The following ZNF483 variants were observed in gnomAD, a reference collection of about 807,000 sequenced individuals.
ZNF483 encodes zinc finger protein 483.
ZNF483 carries 9 observed loss-of-function variants against 28.6 expected under a neutral mutation model. The ratio of observed to expected loss-of-function variants is 0.32; its 90% confidence interval spans 0.19 to 0.55. The LOEUF (loss-of-function observed/expected upper bound fraction) is 0.55, where lower values mean the gene tolerates loss of function less well. ZNF483 is among the 20% of genes least tolerant of loss of function. The pLI is 0.93. For missense variants in ZNF483, 675 were observed against 871.7 expected (o/e 0.77, Z 2.84); for synonymous variants, 322 against 306.2 (o/e 1.05, Z -0.54).
chr9:111,531,026 T>C (rs1355182964), intron 3 of ZNF483, 63 bp downstream of exon 3: 1 of 744,564 alleles, frequency 1.3e-6, no homozygotes, highest in Non-Finnish European at 2.0e-6. Flanking sequence ...TACTGAGTGG[T>C]ATAAAGATAT....
chr9:111,554,618 G>A lies in ZNF483; in HGVS notation c.*11448G>A, dbSNP rs533174288. Among the ~76,000 whole-genome samples the A allele has an allele frequency of 6.6e-6, 1 of 152,338 alleles. No individual in the cohort carries two copies. Among genetic ancestry groups the A allele is most frequent in the South Asian group, 2.1e-4 (1 of 4,816 alleles). ...CTACTAAGTGACTAACAGACAGGTA[G>A]TGTAGATGACATGGATATGCTGGAC... On this transcript the variant is annotated 3_prime_UTR_variant, in exon 6 of 6. Transcript: ENST00000309235.
At chr9:111,529,058 C>G (rs553924417) in intron 2 of ZNF483, among the ~76,000 whole-genome samples, 1 of 151,770 alleles carries the variant, frequency 6.6e-6, no homozygotes, top group Non-Finnish European at 1.5e-5. Context: ...GCAGGAGAAT[C>G]GCTTGAACCG....
At chr9:111,576,205 GT>G (rs1358590332) in intron 5 of ZNF483, among the ~76,000 whole-genome samples, 1 of 151,846 alleles carries the variant, frequency 6.6e-6, no homozygotes, top group African/African-American at 2.4e-5. Context: ...CAGAAAGAAG[GT>G]TAAAGGCAAT....
intron 5 of ZNF483, among the ~76,000 whole-genome samples, chr9:111,571,673 TTTGTTTG>T (rs1221937459): frequency 6.6e-6 from 1 of 151,992 alleles, no homozygotes; most frequent in Non-Finnish European, 1.5e-5. Context: ...TGTTTGTTTG[TTTGTTTG>T]TTTTTTCTGT....
chr9:111,569,988 G>A lies in ZNF483; in HGVS notation c.722-6377G>A, dbSNP rs12553163. On this transcript the variant is annotated intron_variant, in intron 5 of 5. Transcript: ENST00000358151. ...AATGACCCAATAGGGAAAAACTGAC[G>A]ATGCGGCAGAGATGGGGAAGAATTG... 3.8e-3 allele frequency: 5,884 copies of A among 1,550,022 alleles called. 354 individuals are homozygous for A. The Admixed American group carries it at 0.1, about 28-fold the overall frequency.
Position 111,542,416 on chromosome 9 carries a change from C to A in ZNF483, c.1481C>A (p.Pro494His). Residue 494 changes from proline (P) to histidine (H), a missense_variant, in exon 6 of 6, where the codon CCC (proline) becomes CAC (histidine). Coordinates refer to ENST00000309235, the MANE Select transcript of ZNF483 (RefSeq NM_133464.5). The surrounding 1 kb of genome is among the most constrained non-coding windows in gnomAD (Gnocchi z 6.2). ...PHHRTHSGEK[P>H]FKCDDCGKGF... ...CATAGAACTCATAGTGGAGAGAAACCCTTCAAATGTGATGACTGTGGGAAA... is the reference window on the plus strand; with the variant it reads ...CATAGAACTCATAGTGGAGAGAAACACTTCAAATGTGATGACTGTGGGAAA... 1 of 1,614,064 alleles carries A rather than the reference C, an allele frequency of 6.2e-7. No individual in the cohort carries two copies. Among genetic ancestry groups the A allele is most frequent in the South Asian group, 1.1e-5 (1 of 91,066 alleles).
At chr9:111,527,865 A>G (rs763663370) in intron 2 of ZNF483, 58 bp downstream of exon 2, 15 of 1,613,650 alleles carry the variant, frequency 9.3e-6, no homozygotes, top group Non-Finnish European at 1.3e-5. Context: ...TCCGAAAGTA[A>G]ATTCCTCAAA....
chr9:111,570,318 C>T, intron 5 of ZNF483: 1 of 1,448,846 alleles, frequency 6.9e-7, no homozygotes. Context: ...TTTTTTGGTG[C>T]TTCTCCCCTT....
chr9:111,541,059 G>A (rs1189411534), intron 5 of ZNF483, among the ~76,000 whole-genome samples: 1 of 148,756 alleles, frequency 6.7e-6, no homozygotes, highest in East Asian at 2.0e-4. Context: ...AAAGAGAAAA[G>A]TTAGGATATA....
chr9:111,561,973 C>T (rs1331656528), intron 5 of ZNF483, among the ~76,000 whole-genome samples: 1 of 150,234 alleles, frequency 6.7e-6, no homozygotes, highest in Admixed American at 6.7e-5. Flanking sequence ...GCAACGTCTG[C>T]CTCCTGGGCT....
chr9:111,558,219 G>T (rs922564625), downstream of ZNF483, among the ~76,000 whole-genome samples: 1 of 152,154 alleles, frequency 6.6e-6, no homozygotes, highest in Non-Finnish European at 1.5e-5. Context: ...TCTCAGTACG[G>T]ACTCATGGTT....
intron 5 of ZNF483, among the ~76,000 whole-genome samples, chr9:111,565,761 G>A (rs778786331): frequency 1.3e-5 from 2 of 152,120 alleles, no homozygotes; most frequent in Non-Finnish European, 1.5e-5. Flanking sequence ...CTGGGCTCAA[G>A]CAGTCCTCCT....
intron 5 of ZNF483, among the ~76,000 whole-genome samples, chr9:111,561,873 TTTTTG>T (rs545283246): frequency 1.2e-4 from 18 of 152,248 alleles, no homozygotes; most frequent in South Asian, 2.1e-4. Flanking sequence ...TGCTGTTGTT[TTTTTG>T]TTTTGTTTTG....
chr9:111,574,184 G>A (rs1482330956), intron 5 of ZNF483: 1 of 152,042 alleles, frequency 6.6e-6, no homozygotes, highest in African/African-American at 2.4e-5. Context: ...AATCATCACT[G>A]TCTTTTTACA....
chr9:111,566,074 G>A (rs1278362615), intron 5 of ZNF483, among the ~76,000 whole-genome samples: 1 of 151,962 alleles, frequency 6.6e-6, no homozygotes, highest in Admixed American at 6.6e-5. Context: ...ATGGTGGCGG[G>A]CACCTGTAAT....
chr9:111,562,193 A>G (rs1361130271), intron 5 of ZNF483, among the ~76,000 whole-genome samples: 2 of 151,258 alleles, frequency 1.3e-5, no homozygotes, highest in Non-Finnish European at 2.9e-5. Flanking sequence ...TTTTAAATAA[A>G]TGTATAACAT....
chr9:111,552,090 C>T lies in ZNF483; in HGVS notation c.*8920C>T, dbSNP rs1827980995. The stretch of plus-strand genomic sequence containing the variant: ...TTAGGAGCTTCAAATTTAGCTTGTT[C>T]ATATGCAGCGTGATATTAGGGAGAA... On this transcript the variant is annotated 3_prime_UTR_variant, in exon 6 of 6. Transcript: ENST00000309235. 6.6e-6 allele frequency among the ~76,000 whole-genome samples: 1 copy of T among 152,198 alleles called. No individual in the cohort carries two copies. Among genetic ancestry groups the T allele is most frequent in the Admixed American group, 6.5e-5 (1 of 15,268 alleles).
rs1174906012 is a variant in ZNF483, at chr9:111,561,183, G to GAA, written c.722-15181_722-15180insAA. Among the ~76,000 whole-genome samples, 123 of 130,748 alleles carry GAA rather than the reference G, an allele frequency of 9.4e-4. 1 individual carries two copies. Among genetic ancestry groups the GAA allele is most frequent in the African/African-American group, 3.4e-3 (114 of 33,898 alleles). 85.8% of individuals were successfully genotyped at this position (130,748 alleles called of 152,430 possible). On this transcript the variant is annotated intron_variant, in intron 5 of 5. Transcript: ENST00000358151. Reference sequence around the variant, plus strand: ...AGAGAGAGAGAGAGAGAGAGAAAGAGAGAGAGATTCTTCCTGTCCAAGAGT... The same window carrying GAA: ...AGAGAGAGAGAGAGAGAGAGAAAGAGAAAGAGAGATTCTTCCTGTCCAAGAGT...
At chr9:111,534,130 C>A (rs1426560620) in intron 4 of ZNF483, 131 bp from the exon 5 acceptor site, 1 of 842,388 alleles carries the variant, frequency 1.2e-6, no homozygotes, top group South Asian at 1.7e-5. Flanking sequence ...GTCTCAAGTT[C>A]CAGTATTTAT....
Sources: gnomAD v4.1 joint callset for allele counts (sites outside exome capture counted in the v4.1 genomes callset) on GRCh38, gnomAD v4.1.1 for gene constraint, Gnocchi (gnomAD v3.1) non-coding constraint, MANE v1.5 for transcripts, NCBI Gene and HGNC (gene_info 2026-07-23, HGNC 2026-07-21) for gene names.